Variants in SCAPER observed in about 807,000 individuals in gnomAD.
The protein encoded by SCAPER is S phase cyclin A-associated protein in the endoplasmic reticulum.
Under a neutral mutation model 182.2 loss-of-function variants are expected in SCAPER, and 98 were observed. The observed-to-expected ratio is 0.54, with a 90% CI of 0.46 to 0.64. The LOEUF (loss-of-function observed/expected upper bound fraction) is 0.64, where lower values mean the gene tolerates loss of function less well. SCAPER is among the 30% of genes least tolerant of loss of function. The pLI, the probability that SCAPER is intolerant of heterozygous loss-of-function variation, is 0.00. For missense variants in SCAPER, 1,432 were observed against 1,690.0 expected (o/e 0.85, Z 2.68); for synonymous variants, 605 against 564.6 (o/e 1.07, Z -1.01).
At chr15:76,615,167 C>T (rs1404271466) in intron 22 of SCAPER, among the ~76,000 whole-genome samples, 2 of 152,042 alleles carry the variant, frequency 1.3e-5, no homozygotes, top group African/African-American at 4.8e-5. Context: ...CTGGTGAATT[C>T]TACCAAGCAT....
At chr15:76,833,891 G>A (rs2068719005) in intron 5 of SCAPER, among the ~76,000 whole-genome samples, 1 of 152,176 alleles carries the variant, frequency 6.6e-6, no homozygotes, top group Non-Finnish European at 1.5e-5. Context: ...AAGAGACTTA[G>A]ATAACCACAC....
chr15:76,769,036 T>A (rs899797173), intron 10 of SCAPER, among the ~76,000 whole-genome samples: 3 of 152,046 alleles, frequency 2.0e-5, no homozygotes, highest in African/African-American at 7.2e-5. Flanking sequence ...TATAAAACTA[T>A]CATCAGAGTG....
At chr15:76,902,676 A>C (rs893424885) in intron 1 of SCAPER, among the ~76,000 whole-genome samples, 1 of 152,138 alleles carries the variant, frequency 6.6e-6, no homozygotes, top group Non-Finnish European at 1.5e-5. Context: ...TAATACCCCC[A>C]CTTTCTAAGT....
At chr15:76,823,904 G>GAA (rs199911012) in intron 5 of SCAPER, among the ~76,000 whole-genome samples, 2 of 132,268 alleles carry the variant, frequency 1.5e-5, no homozygotes, top group Non-Finnish European at 1.7e-5. Context: ...TTTCTTTTTG[G>GAA]AAAAAAAAAA....
intron 24 of SCAPER, among the ~76,000 whole-genome samples, chr15:76,496,515 T>C (rs1329809504): frequency 6.6e-6 from 1 of 152,188 alleles, no homozygotes; most frequent in African/African-American, 2.4e-5. Flanking sequence ...TTTCTTTTCT[T>C]TGATTCTGAA....
chr15:76,400,167 T>C (rs867153417), intron 27 of SCAPER, among the ~76,000 whole-genome samples: 1 of 152,222 alleles, frequency 6.6e-6, no homozygotes, highest in Non-Finnish European at 1.5e-5. Flanking sequence ...AGCCTGGAGA[T>C]ATCAATTAGT....
At chr15:76,499,697 T>C (rs904645084) in intron 24 of SCAPER, among the ~76,000 whole-genome samples, 5 of 152,188 alleles carry the variant, frequency 3.3e-5, no homozygotes, top group Admixed American at 6.5e-5. Flanking sequence ...ACCCATTTGA[T>C]ATTTTTTTAA....
intron 27 of SCAPER, among the ~76,000 whole-genome samples, chr15:76,402,210 A>G (rs1462101815): frequency 6.6e-6 from 1 of 152,128 alleles, no homozygotes; most frequent in Non-Finnish European, 1.5e-5. Context: ...TACAGAATAT[A>G]CTCAGAATTG....
intron 23 of SCAPER, among the ~76,000 whole-genome samples, chr15:76,556,585 T>C (rs561426531): frequency 2.7e-4 from 41 of 152,024 alleles, no homozygotes; most frequent in African/African-American, 8.9e-4. Context: ...CCCTCAGAAA[T>C]TATTATGAAC....
At chr15:76,678,580 T>C (rs1016270017) in intron 20 of SCAPER, among the ~76,000 whole-genome samples, 2 of 152,138 alleles carry the variant, frequency 1.3e-5, no homozygotes, top group African/African-American at 2.4e-5. Flanking sequence ...TTATATTTCT[T>C]GTTTCTCTGG....
chr15:76,894,361 G>A (rs1292320012), intron 1 of SCAPER, among the ~76,000 whole-genome samples: 2 of 152,164 alleles, frequency 1.3e-5, no homozygotes, highest in Non-Finnish European at 2.9e-5. Flanking sequence ...AGAGTTCGAG[G>A]CTGTAGTGTG....
At chr15:76,819,044 C>G (rs2067307501) in intron 5 of SCAPER, among the ~76,000 whole-genome samples, 1 of 152,224 alleles carries the variant, frequency 6.6e-6, no homozygotes, top group South Asian at 2.1e-4. Context: ...GGGGGAGGAG[C>G]ACCCACCATT....
In SCAPER at chr15:76,649,450, A is replaced by C. The variant is rs370558241; in HGVS notation, c.2645+16203T>G. On this transcript the variant is annotated intron_variant, in intron 21 of 31. Transcript: ENST00000563290. The stretch of plus-strand genomic sequence containing the variant: ...CCCCCTGCTCCCCACCACCACCCCC[A>C]AAAAAAAACAGCAACAACAAACAAA... Among the ~76,000 whole-genome samples the C allele has an allele frequency of 3.1e-3, 472 of 150,170 alleles. 2 individuals are homozygous for C. The highest frequency in any genetic ancestry group is 8.6e-3 in the East Asian group (44 of 5,136).
intron 25 of SCAPER, among the ~76,000 whole-genome samples, chr15:76,446,869 T>C (rs2048034563): frequency 6.6e-6 from 1 of 152,204 alleles, no homozygotes. Flanking sequence ...ACGCGTTCAA[T>C]AGAAACCATA....
At chr15:76,459,252 C>T (rs141490596) in intron 25 of SCAPER, among the ~76,000 whole-genome samples, 65 of 152,250 alleles carry the variant, frequency 4.3e-4, no homozygotes, top group African/African-American at 1.4e-3. Context: ...CTTTTTGTGC[C>T]TCGCTTATTT....
In SCAPER at chr15:76,357,150, TCACACACACA is replaced by T. The variant is rs55912416; in HGVS notation, c.3856-3020_3856-3011del. Among the ~76,000 whole-genome samples, 66 of 128,952 alleles carry T rather than the reference TCACACACACA, an allele frequency of 5.1e-4. No homozygotes were observed. The East Asian group carries it at 0.011, about 22-fold the overall frequency. The allele number at this position is 128,952 out of a possible 152,430, so 84.6% of individuals were successfully genotyped here. ...AAAAGAAGTAACCTTTTTATTGACA[TCACACACACA>T]CACACACACACACACACACACACAC... On this transcript the variant is annotated intron_variant, in intron 29 of 31. Transcript: ENST00000563290.
At chr15:76,549,015 A>G (rs956968677) in intron 23 of SCAPER, among the ~76,000 whole-genome samples, 3 of 152,222 alleles carry the variant, frequency 2.0e-5, no homozygotes, top group Non-Finnish European at 4.4e-5. Flanking sequence ...GGCAACCTAC[A>G]GAATGGGAGA....
chr15:76,425,189 T>C (rs558330156), intron 26 of SCAPER, among the ~76,000 whole-genome samples: 46 of 152,368 alleles, frequency 3.0e-4, no homozygotes, highest in African/African-American at 1.1e-3. Context: ...GAATTTCTCC[T>C]GGATAATATC....
intron 17 of SCAPER, among the ~76,000 whole-genome samples, chr15:76,706,617 G>T (rs1000010786): frequency 1.3e-5 from 2 of 152,102 alleles, no homozygotes; most frequent in Admixed American, 1.3e-4. Flanking sequence ...ACTCCCTAGA[G>T]GGTCTGAACA....
Sources: allele counts gnomAD v4.1 joint callset (sites outside exome capture counted in the v4.1 genomes callset), GRCh38; gene constraint gnomAD v4.1.1; transcripts MANE v1.5; gene names NCBI Gene and HGNC (gene_info 2026-07-23, HGNC 2026-07-21).